Variants in CTH observed in about 807,000 individuals in gnomAD.
CTH encodes the protein cystathionase (cystathionine gamma-lyase).
CTH carries 41 observed loss-of-function variants against 50.6 expected under a neutral mutation model. The observed-to-expected ratio is 0.81, with a 90% CI of 0.63 to 1.05. The LOEUF (loss-of-function observed/expected upper bound fraction) is 1.05. CTH is among the 50% of genes least tolerant of loss of function. CTH has a pLI of 0.00. For missense variants in CTH, 470 were observed against 492.6 expected (o/e 0.95, Z 0.43); for synonymous variants, 156 against 168.9 (o/e 0.92, Z 0.59).
At position 70,411,598 on chromosome 1, in the gene CTH, T is replaced by C. The variant is rs1683966327; in HGVS notation, c.168+15T>C. On this transcript the variant is annotated intron_variant, in intron 1 of 11. Coordinates refer to ENST00000370938, the MANE Select transcript of CTH (RefSeq NM_001902.6). Reference sequence around the variant, plus strand: ...GCCAGCACTCGGTGAGCTGGGTCTGTCTGGGGCTGTCCACAGTTGGGCGGT... The same window carrying C: ...GCCAGCACTCGGTGAGCTGGGTCTGCCTGGGGCTGTCCACAGTTGGGCGGT... 6.2e-7 allele frequency: 1 copy of C among 1,611,340 alleles called. No individual in the cohort carries two copies. Among genetic ancestry groups the C allele is most frequent in the African/African-American group, 1.3e-5 (1 of 74,884 alleles).
intron 4 of CTH, 21 bp from the exon 5 acceptor site, chr1:70,424,264 T>C: frequency 6.2e-7 from 1 of 1,613,988 alleles, no homozygotes; most frequent in Non-Finnish European, 8.5e-7. Flanking sequence ...CAAACTACTG[T>C]TATTTGCTGA....
chr1:70,421,679 ACT>A lies in CTH; in HGVS notation c.456+6_456+7del. 1.9e-6 allele frequency: 3 copies of A among 1,613,698 alleles called. No homozygotes were observed. The highest frequency in any genetic ancestry group is 2.5e-6 in the Non-Finnish European group (3 of 1,179,750). On this transcript the variant is annotated splice_donor_5th_base_variant and intron_variant, in intron 4 of 11. Transcript: ENST00000370938. ...AGCAATTACACCAGAAACCAAGGTAACTCAGCTCATTTTCAGTTTTGCCTGTT... is the reference window on the plus strand; with the variant it reads ...AGCAATTACACCAGAAACCAAGGTAACAGCTCATTTTCAGTTTTGCCTGTT...
chr1:70,433,351 A>G (rs1413864637), intron 8 of CTH, among the ~76,000 whole-genome samples: 2 of 152,178 alleles, frequency 1.3e-5, no homozygotes, highest in Non-Finnish European at 2.9e-5. Flanking sequence ...TGCCATGAAG[A>G]ATGGGCAGCA....
Position 70,424,178 on chromosome 1 carries a change from A to C in CTH, c.457-107A>C. 5.0e-6 allele frequency: 8 copies of C among 1,588,240 alleles called. No individual in the cohort carries two copies. The South Asian group carries it at 6.8e-5, about 13-fold the overall frequency. ...TTTGAACCTCCCAACATCATCATCC[A>C]TGTGTTTCCATTATACAATGTAGCT... On this transcript the variant is annotated intron_variant, in intron 4 of 11. Transcript: ENST00000370938.
chr1:70,428,596 A>G (rs1033729152), intron 5 of CTH, among the ~76,000 whole-genome samples: 1 of 50,466 alleles, frequency 2.0e-5, no homozygotes, highest in African/African-American at 8.4e-5. Context: ...CCAGTTTCAG[A>G]CATATTTATT....
At chr1:70,417,044 A>G (rs1310534621) in intron 2 of CTH, among the ~76,000 whole-genome samples, 1 of 152,134 alleles carries the variant, frequency 6.6e-6, no homozygotes, top group Non-Finnish European at 1.5e-5. Context: ...GCCTGAGAAT[A>G]GCACTAAAGT....
At chr1:70,424,503 A>G in intron 5 of CTH, 87 bp downstream of exon 5, 2 of 1,590,844 alleles carry the variant, frequency 1.3e-6, no homozygotes, top group South Asian at 1.1e-5. Flanking sequence ...AATTAAAATC[A>G]TGATCAAATT....
At position 70,439,243 on chromosome 1, in the gene CTH, CATT is replaced by C; in HGVS notation, c.*119_*121del. ...TTCAAGCGGAAATTTTAAGGCACCT[CATT>C]ATCTTTCATAACTGTAATTTTCTTA... On this transcript the variant is annotated 3_prime_UTR_variant, in exon 12 of 12. Transcript: ENST00000370938. 1.1e-6 allele frequency: 1 copy of C among 883,290 alleles called. No individual in the cohort carries two copies. Among genetic ancestry groups the C allele is most frequent in the Non-Finnish European group, 1.9e-6 (1 of 523,070 alleles). 54.7% of individuals were successfully genotyped at this position (883,290 alleles called of 1,614,324 possible).
intron 10 of CTH, 93 bp downstream of exon 10, chr1:70,435,270 A>G (rs867425573): frequency 8.6e-7 from 1 of 1,157,012 alleles, no homozygotes. Flanking sequence ...ATAATTCAAG[A>G]TATTTAACAA....
chr1:70,435,152 G>A lies in CTH; in HGVS notation c.1027G>A (p.Gly343Arg). 6.2e-7 allele frequency: 1 copy of A among 1,613,104 alleles called. No individual in the cohort carries two copies. The highest frequency in any genetic ancestry group is 8.5e-7 in the Non-Finnish European group (1 of 1,179,520). ...ATTTACTCTGGCCGAGAGCTTGGGA[G>A]GATTCGAAAGCCTTGCTGAGCTTCC... ...KLFTLAESLG[G>R]FESLAELPAI... Residue 343 changes from glycine to arginine, a missense_variant, in exon 10 of 12, where the codon GGA becomes AGA. By Grantham distance (125) the Gly-to-Arg change is moderately radical. Coordinates refer to ENST00000370938, the MANE Select transcript of CTH (RefSeq NM_001902.6).
chr1:70,423,438 G>A (rs776400912), intron 4 of CTH, among the ~76,000 whole-genome samples: 1 of 151,864 alleles, frequency 6.6e-6, no homozygotes, highest in Non-Finnish European at 1.5e-5. Flanking sequence ...GAGCATGGTG[G>A]CACATGCCTG....
chr1:70,432,764 AC>A (rs1476771781), intron 8 of CTH, among the ~76,000 whole-genome samples: 1 of 143,780 alleles, frequency 7.0e-6, no homozygotes, highest in Non-Finnish European at 1.5e-5. Flanking sequence ...GCTCACTGCA[AC>A]CTCTGCCTCC....
chr1:70,412,894 G>T (rs1684000528), intron 1 of CTH, among the ~76,000 whole-genome samples: 1 of 152,082 alleles, frequency 6.6e-6, no homozygotes, highest in African/African-American at 2.4e-5. Context: ...GGCAGGACAG[G>T]TATTATGTAC....
chr1:70,433,774 C>A (rs534288828), intron 8 of CTH, 54 bp from the exon 9 acceptor site: 348 of 1,610,364 alleles, frequency 2.2e-4, no homozygotes, highest in Middle Eastern at 6.6e-4. Context: ...CCTCCCCCCC[C>A]AAAAATTACA....
intron 3 of CTH, among the ~76,000 whole-genome samples, chr1:70,419,585 C>T (rs1010774771): frequency 2.6e-5 from 4 of 152,302 alleles, no homozygotes; most frequent in South Asian, 4.1e-4. Flanking sequence ...TGATGATAAG[C>T]ATATACCTAA....
chr1:70,424,229 T>C (rs887694149), intron 4 of CTH, 56 bp from the exon 5 acceptor site: 45 of 1,612,482 alleles, frequency 2.8e-5, no homozygotes, highest in Non-Finnish European at 1.9e-5. Flanking sequence ...ATATATGAGA[T>C]GTATGTTTGT....
At chr1:70,437,278 T>C (rs1273725313) in intron 10 of CTH, among the ~76,000 whole-genome samples, 1 of 152,230 alleles carries the variant, frequency 6.6e-6, no homozygotes, top group African/African-American at 2.4e-5. Flanking sequence ...CGTTAGCACC[T>C]ACTATGAACT....
chr1:70,421,851 T>A (rs1286718369), intron 4 of CTH, among the ~76,000 whole-genome samples, 176 bp downstream of exon 4: 1 of 152,232 alleles, frequency 6.6e-6, no homozygotes, highest in Non-Finnish European at 1.5e-5. Context: ...ATAATGGTAG[T>A]ACATGATTTC....
intron 9 of CTH, 62 bp downstream of exon 9, chr1:70,434,011 C>T (rs2101756884): frequency 6.2e-7 from 1 of 1,604,748 alleles, no homozygotes. Context: ...TTCACTATCT[C>T]TCACTTCTAC....
Sources: gnomAD v4.1 joint callset for allele counts (sites outside exome capture counted in the v4.1 genomes callset) on GRCh38, gnomAD v4.1.1 for gene constraint, MANE v1.5 for transcripts, NCBI Gene and HGNC (gene_info 2026-07-23, HGNC 2026-07-21) for gene names.